SLC39A12: variants seen among roughly 807,000 people sequenced by gnomAD.
SLC39A12 encodes solute carrier family 39 member 12, also known as zinc transporter ZIP12.
SLC39A12 carries 63 observed loss-of-function variants against 71.1 expected under a neutral mutation model. The observed-to-expected ratio is 0.89, with a 90% CI of 0.72 to 1.09. The LOEUF (loss-of-function observed/expected upper bound fraction) is 1.09, where lower values mean the gene tolerates loss of function less well. Among genes scored for constraint, SLC39A12 ranks in the 50% least tolerant of loss-of-function variants. The pLI, the probability that SLC39A12 is intolerant of heterozygous loss-of-function variation, is 0.00. For missense variants in SLC39A12, 892 were observed against 812.6 expected (o/e 1.10, Z -1.19); for synonymous variants, 351 against 301.3 (o/e 1.16, Z -1.71).
intron 6 of SLC39A12, 100 bp downstream of exon 6, chr10:17,981,583 C>A: frequency 1.1e-6 from 1 of 924,782 alleles, no homozygotes. Context: ...CTGTTGTAAA[C>A]ATTTTACATT....
At chr10:18,029,180 T>C (rs1445795750) in intron 12 of SLC39A12, among the ~76,000 whole-genome samples, 2 of 152,194 alleles carry the variant, frequency 1.3e-5, no homozygotes, top group African/African-American at 2.4e-5. Flanking sequence ...CCAAAACATT[T>C]TCTTAATGTC....
At chr10:18,008,028 A>G (rs1054125805) in intron 12 of SLC39A12, among the ~76,000 whole-genome samples, 3 of 152,210 alleles carry the variant, frequency 2.0e-5, no homozygotes, top group African/African-American at 4.8e-5. Context: ...CCATTATAGT[A>G]ACTTTCTTCA....
At chr10:18,036,096 T>G (rs1371006959) in intron 12 of SLC39A12, among the ~76,000 whole-genome samples, 1 of 152,242 alleles carries the variant, frequency 6.6e-6, no homozygotes, top group Non-Finnish European at 1.5e-5. Context: ...TACTGCTGTC[T>G]TTTTGTTTGT....
intron 2 of SLC39A12, among the ~76,000 whole-genome samples, chr10:17,955,615 G>T (rs1223329726): frequency 1.3e-5 from 2 of 152,134 alleles, no homozygotes; most frequent in African/African-American, 4.8e-5. Flanking sequence ...GAGGTTAAGG[G>T]GGTTTCTTCA....
At chr10:18,037,119 A>C (rs1221602513) in intron 12 of SLC39A12, among the ~76,000 whole-genome samples, 2 of 151,528 alleles carry the variant, frequency 1.3e-5, no homozygotes, top group African/African-American at 4.9e-5. Flanking sequence ...CTCTTTCCAA[A>C]ATTTTTTGGA....
chr10:18,036,833 C>A, intron 12 of SLC39A12, among the ~76,000 whole-genome samples: 1 of 137,380 alleles, frequency 7.3e-6, no homozygotes, highest in African/African-American at 2.8e-5. Context: ...GTCGCCTAGC[C>A]TGCGGTGCAG....
At chr10:17,999,465 A>G (rs1450856301) in intron 10 of SLC39A12, among the ~76,000 whole-genome samples, 1 of 152,226 alleles carries the variant, frequency 6.6e-6, no homozygotes, top group Admixed American at 6.5e-5. Context: ...ACCTAGGCAG[A>G]TTACTACCAA....
chr10:18,002,547 G>A (rs1835867147), intron 11 of SLC39A12: 1 of 152,154 alleles, frequency 6.6e-6, no homozygotes, highest in Non-Finnish European at 1.5e-5. Flanking sequence ...GGGTCCCCAA[G>A]CTGTCTATTG....
chr10:18,037,688 C>G (rs1420055962), intron 12 of SLC39A12, among the ~76,000 whole-genome samples: 1 of 152,034 alleles, frequency 6.6e-6, no homozygotes, highest in Non-Finnish European at 1.5e-5. Flanking sequence ...ACTTTGTAGC[C>G]AGGACAACCT....
intron 6 of SLC39A12, among the ~76,000 whole-genome samples, chr10:17,985,396 T>C (rs1246031538): frequency 2.0e-5 from 3 of 151,322 alleles, no homozygotes; most frequent in African/African-American, 7.3e-5. Flanking sequence ...TTTAGAAAAA[T>C]GCAAGTATGA....
At chr10:17,975,360 C>T (rs914979832) in intron 4 of SLC39A12, among the ~76,000 whole-genome samples, 1 of 152,206 alleles carries the variant, frequency 6.6e-6, no homozygotes, top group Non-Finnish European at 1.5e-5. Context: ...TGTTTAGGGT[C>T]CAAGAGCTCT....
chr10:17,966,661 C>T (rs1370321763), intron 4 of SLC39A12, among the ~76,000 whole-genome samples: 6 of 151,826 alleles, frequency 4.0e-5, no homozygotes, highest in African/African-American at 9.7e-5. Context: ...AAATTGATAA[C>T]GATTCCTTAA....
At position 17,988,474 on chromosome 10, in the gene SLC39A12, A is replaced by G. The variant is rs188421828; in HGVS notation, c.1269+823A>G. ...CTTCCTGAGGCCCATATCAGAAGCA[A>G]ATGCTGACACCATGCTTCCTGTACA... On this transcript the variant is annotated intron_variant, in intron 7 of 12. Coordinates refer to ENST00000377369, the MANE Select transcript of SLC39A12 (RefSeq NM_001145195.2). Among the ~76,000 whole-genome samples, 6 of 152,268 alleles carry G rather than the reference A, an allele frequency of 3.9e-5. No individual in the cohort carries two copies. In the East Asian group the frequency reaches 1.2e-3, roughly 29 times the overall value.
chr10:17,963,463 C>T (rs747097421), intron 3 of SLC39A12, among the ~76,000 whole-genome samples: 4 of 152,192 alleles, frequency 2.6e-5, no homozygotes, highest in African/African-American at 4.8e-5. Context: ...AGCCCCAGAA[C>T]AGAATAAATC....
intron 6 of SLC39A12, among the ~76,000 whole-genome samples, chr10:17,986,648 AC>A (rs2130817726): frequency 6.6e-6 from 1 of 152,332 alleles, no homozygotes; most frequent in South Asian, 2.1e-4. Context: ...GGAGACACAA[AC>A]ATTTAGACCA....
At chr10:18,036,510 C>T (rs1279398235) in intron 12 of SLC39A12, among the ~76,000 whole-genome samples, 2 of 151,856 alleles carry the variant, frequency 1.3e-5, no homozygotes, top group African/African-American at 2.4e-5. Context: ...CTTCGGCTCA[C>T]GCACGGTGCG....
Position 17,961,643 on chromosome 10 carries a change from A to G in SLC39A12, c.324A>G (p.Glu108=), listed in dbSNP as rs1287084222. Residue 108 remains glutamate, a synonymous_variant, in exon 3 of 13, where the codon GAA becomes GAG. Coordinates refer to ENST00000377369, the MANE Select transcript of SLC39A12 (RefSeq NM_001145195.2). ...GAAATTTTGAAGATCAGCTTAGAGA[A>G]GAAGTGGTCCAGAGAGTTTCTCTTC... The part of the protein sequence containing the change: ...AGGNFEDQLR[E]EVVQRVSLLL... 6.2e-7 allele frequency: 1 copy of G among 1,614,000 alleles called. No homozygotes were observed. The highest frequency in any genetic ancestry group is 8.5e-7 in the Non-Finnish European group (1 of 1,179,976).
At position 18,020,720 on chromosome 10, in the gene SLC39A12, G is replaced by A. The variant is rs137938028; in HGVS notation, c.1947+17362G>A. On this transcript the variant is annotated intron_variant, in intron 12 of 12. Transcript: ENST00000377369. ...TTGATTTGCGTTTCCCTAATGATTA[G>A]TGATATAGAGCATTTTTTCATATGC... Among the ~76,000 whole-genome samples, 863 of 152,176 alleles carry A rather than the reference G, an allele frequency of 5.7e-3. 5 individuals carry two copies. The highest frequency in any genetic ancestry group is 0.02 in the African/African-American group (823 of 41,540).
At position 18,041,583 on chromosome 10, in the gene SLC39A12, C is replaced by A. The variant is rs578234199; in HGVS notation, c.1948-1122C>A. The stretch of plus-strand genomic sequence containing the variant: ...GCACACATACACACACACATACATA[C>A]ACACACCATATATATGTGTATATAT... On this transcript the variant is annotated intron_variant, in intron 12 of 12. Transcript: ENST00000377369. 3.8e-4 allele frequency among the ~76,000 whole-genome samples: 51 copies of A among 133,038 alleles called. 2 individuals carry two copies. In the Admixed American group the frequency reaches 3.9e-3, roughly 10 times the overall value. The allele number at this position is 133,038 out of a possible 152,430, so 87.3% of individuals were successfully genotyped here.
Sources: gnomAD v4.1 joint callset for allele counts (sites outside exome capture counted in the v4.1 genomes callset) on GRCh38, gnomAD v4.1.1 for gene constraint, MANE v1.5 for transcripts, NCBI Gene and HGNC (gene_info 2026-07-23, HGNC 2026-07-21) for gene names.